PTGER3: variants seen among roughly 807,000 people sequenced by gnomAD.
PTGER3 encodes the protein prostaglandin E2 receptor EP3 subtype.
In PTGER3, 22 loss-of-function variants were observed where a neutral mutation model predicts 34.7. That is an observed-to-expected ratio of 0.63 (90% CI 0.45 to 0.91). PTGER3 has a LOEUF of 0.91. Ranked by LOEUF, PTGER3 falls within the 40% of genes least tolerant of loss-of-function variation. PTGER3 has a pLI of 0.00. For missense variants in PTGER3, 468 were observed against 519.4 expected, an observed-to-expected ratio of 0.90 and a Z score of 0.96; for synonymous variants, 241 against 230.1, an observed-to-expected ratio of 1.05 and a Z score of -0.43.
At chr1:71,013,083 G>A (rs554319019) in intron 1 of PTGER3, among the ~76,000 whole-genome samples, 2 of 152,174 alleles carry the variant, frequency 1.3e-5, no homozygotes, top group East Asian at 1.9e-4. Context: ...ACCATATGAT[G>A]TACAATATTA....
intron 4 of PTGER3, among the ~76,000 whole-genome samples, chr1:70,929,132 C>T (rs912100408): frequency 6.6e-6 from 1 of 152,138 alleles, no homozygotes; most frequent in African/African-American, 2.4e-5. Context: ...ACTTCTGTGG[C>T]ATTTTTAAAT....
At chr1:70,930,589 G>C (rs903894533) in intron 4 of PTGER3, among the ~76,000 whole-genome samples, 1 of 152,116 alleles carries the variant, frequency 6.6e-6, no homozygotes, top group Non-Finnish European at 1.5e-5. Context: ...ACATGGCTAG[G>C]GGGGCCTCAG....
At chr1:70,963,465 T>G (rs912889618) in intron 2 of PTGER3, among the ~76,000 whole-genome samples, 2 of 152,218 alleles carry the variant, frequency 1.3e-5, no homozygotes, top group African/African-American at 2.4e-5. Flanking sequence ...TCCAGGCATC[T>G]GCACACATCC....
At chr1:71,046,577 GC>G in intron 1 of PTGER3, 103 bp downstream of exon 1, 1 of 1,364,180 alleles carries the variant, frequency 7.3e-7, no homozygotes, top group African/African-American at 1.5e-5. Context: ...TCAGCGCTCT[GC>G]GGTTGCAAAC....
At chr1:70,884,273 C>T (rs1406798980) in intron 4 of PTGER3, among the ~76,000 whole-genome samples, 1 of 152,140 alleles carries the variant, frequency 6.6e-6, no homozygotes, top group African/African-American at 2.4e-5. Context: ...TATCCACCCC[C>T]TGGTATACAC....
intron 4 of PTGER3, among the ~76,000 whole-genome samples, chr1:70,917,042 T>A (rs1418113194): frequency 6.6e-6 from 1 of 151,988 alleles, no homozygotes; most frequent in Non-Finnish European, 1.5e-5. Flanking sequence ...ACATTTAAAA[T>A]CTTCTCTCTT....
chr1:70,970,243 A>T (rs1346810862), downstream of PTGER3, among the ~76,000 whole-genome samples: 1 of 152,180 alleles, frequency 6.6e-6, no homozygotes, highest in African/African-American at 2.4e-5. Context: ...TAAAATAGTG[A>T]ATAGATGACA....
chr1:71,046,427 G>T (rs1660820165), intron 1 of PTGER3, among the ~76,000 whole-genome samples: 1 of 152,094 alleles, frequency 6.6e-6, no homozygotes, highest in Non-Finnish European at 1.5e-5. Context: ...CGACTAGAAT[G>T]TGAGCAGCCC....
intron 1 of PTGER3, among the ~76,000 whole-genome samples, chr1:71,024,498 G>T (rs1658704801): frequency 6.6e-6 from 1 of 152,076 alleles, no homozygotes; most frequent in Admixed American, 6.6e-5. Flanking sequence ...ATCACAGCAA[G>T]GGCCAAGCCC....
At chr1:70,936,555 G>A (rs761454718) in intron 4 of PTGER3, among the ~76,000 whole-genome samples, 1 of 152,164 alleles carries the variant, frequency 6.6e-6, no homozygotes, top group Non-Finnish European at 1.5e-5. Context: ...GGGAAGATCA[G>A]ACTGAGGATC....
intron 4 of PTGER3, among the ~76,000 whole-genome samples, chr1:70,936,584 G>T (rs1346862680): frequency 6.6e-6 from 1 of 152,116 alleles, no homozygotes; most frequent in Non-Finnish European, 1.5e-5. Context: ...ATTTTAAATT[G>T]CAATGGCCTA....
At chr1:70,930,741 G>C (rs577714954) in intron 4 of PTGER3, among the ~76,000 whole-genome samples, 1 of 151,988 alleles carries the variant, frequency 6.6e-6, no homozygotes, top group Admixed American at 6.6e-5. Context: ...GAGGGAAACC[G>C]CCCCATGGTT....
At chr1:70,880,622 G>A (rs1354525186) in intron 4 of PTGER3, among the ~76,000 whole-genome samples, 13 of 151,286 alleles carry the variant, frequency 8.6e-5, no homozygotes, top group African/African-American at 1.2e-4. Context: ...CCCAGGAGGC[G>A]GAGGTTGCAG....
chr1:70,932,548 GCTT>G (rs1194668215), intron 4 of PTGER3, among the ~76,000 whole-genome samples: 15 of 152,136 alleles, frequency 9.9e-5, no homozygotes, highest in African/African-American at 3.4e-4. Flanking sequence ...GGTGAAATGT[GCTT>G]CTTACATGGT....
intron 4 of PTGER3, among the ~76,000 whole-genome samples, chr1:70,883,636 T>C (rs551901448): frequency 1.3e-5 from 2 of 152,350 alleles, no homozygotes; most frequent in South Asian, 2.1e-4. Context: ...CCTGTTATTA[T>C]AAAACGTCCA....
intron 1 of PTGER3, among the ~76,000 whole-genome samples, chr1:71,026,809 T>C (rs1658964798): frequency 6.6e-6 from 1 of 152,142 alleles, no homozygotes; most frequent in African/African-American, 2.4e-5. Flanking sequence ...CTTTTATTAT[T>C]AATATCCCAA....
intron 1 of PTGER3, among the ~76,000 whole-genome samples, chr1:71,043,123 T>C (rs1660458928): frequency 6.6e-6 from 1 of 152,210 alleles, no homozygotes; most frequent in African/African-American, 2.4e-5. Context: ...AATTTAGCTA[T>C]CAGGTCAAAC....
intron 1 of PTGER3, among the ~76,000 whole-genome samples, chr1:71,014,739 C>T (rs1159379915): frequency 6.6e-6 from 1 of 152,198 alleles, no homozygotes; most frequent in Non-Finnish European, 1.5e-5. Flanking sequence ...TTAGAATCTT[C>T]AGCTTCCTGA....
At chr1:70,995,057 C>A (rs181316142) in intron 2 of PTGER3, among the ~76,000 whole-genome samples, 34 of 152,098 alleles carry the variant, frequency 2.2e-4, no homozygotes, top group African/African-American at 8.2e-4. Context: ...AAGTAATCAC[C>A]GAGGCATAAA....
Sources: allele counts gnomAD v4.1 joint callset (sites outside exome capture counted in the v4.1 genomes callset), GRCh38; gene constraint gnomAD v4.1.1; transcripts MANE v1.5; gene names NCBI Gene and HGNC (gene_info 2026-07-23, HGNC 2026-07-21).